Variants in XYLT1 observed in about 807,000 individuals in gnomAD.
XYLT1 encodes xylosyltransferase 1.
A neutral mutation model predicts 91.3 loss-of-function variants in XYLT1; 36 were observed. The observed-to-expected ratio is 0.39, with a 90% confidence interval of 0.30 to 0.52. The LOEUF (loss-of-function observed/expected upper bound fraction) is 0.52, where lower values mean the gene tolerates loss of function less well. Ranked by LOEUF, XYLT1 falls within the 20% of genes least tolerant of loss-of-function variation. The probability of loss-of-function intolerance (pLI) is 0.68; values close to 1 mark genes in which losing one functional copy is unlikely to be tolerated. For missense variants in XYLT1, 1,242 were observed against 1,284.5 expected (o/e 0.97, Z 0.51); for synonymous variants, 588 against 532.0 (o/e 1.11, Z -1.45).
At position 17,150,403 on chromosome 16, in the gene XYLT1, G is replaced by A. The variant is rs147371973; in HGVS notation, c.1370+8426C>T. Among the ~76,000 whole-genome samples the A allele has an allele frequency of 1.2e-3, 181 of 152,276 alleles. 5 individuals carry two copies. In the East Asian group the frequency reaches 0.03, roughly 25 times the overall value. On this transcript the variant is annotated intron_variant, in intron 6 of 11. Transcript: ENST00000261381. ...TATTCCAGGCTCTGCTCTATGCACT[G>A]AGAAAATGGTTTTAAATAAAATGGA...
At chr16:17,212,448 C>T (rs1260908403) in intron 3 of XYLT1, among the ~76,000 whole-genome samples, 1 of 152,074 alleles carries the variant, frequency 6.6e-6, no homozygotes, top group Non-Finnish European at 1.5e-5. Flanking sequence ...ATTTTGGACA[C>T]CTTTTCTTTT....
At chr16:17,253,448 A>AGCAT in intron 3 of XYLT1, among the ~76,000 whole-genome samples, 1 of 152,152 alleles carries the variant, frequency 6.6e-6, no homozygotes, top group East Asian at 1.9e-4. Context: ...AGATAACCTC[A>AGCAT]GCATGACCAG....
intron 1 of XYLT1, among the ~76,000 whole-genome samples, chr16:17,428,043 T>C (rs1282828652): frequency 6.6e-6 from 1 of 152,150 alleles, no homozygotes; most frequent in East Asian, 1.9e-4. Context: ...CAGGCTGAAG[T>C]GCAGTGGTGT....
Position 17,213,770 on chromosome 16 carries a change from C to G in XYLT1, c.914-13116G>C, listed in dbSNP as rs147569202. On this transcript the variant is annotated intron_variant, in intron 3 of 11. Transcript: ENST00000261381. ...AGTACCTGGGATTACAGGTGCCCAC[C>G]CCCATGCCCGGCTAATTTTTTGTAT... 3.5e-3 allele frequency among the ~76,000 whole-genome samples: 538 copies of G among 152,140 alleles called. 3 individuals are homozygous for G. Among genetic ancestry groups the G allele is most frequent in the African/African-American group, 0.012 (516 of 41,492 alleles).
intron 2 of XYLT1, among the ~76,000 whole-genome samples, chr16:17,294,449 G>A (rs1023842019): frequency 5.3e-5 from 8 of 152,122 alleles, no homozygotes; most frequent in South Asian, 2.1e-4. Context: ...TCGTCTTTCC[G>A]CCACTCTCAT....
intron 1 of XYLT1, among the ~76,000 whole-genome samples, chr16:17,444,512 CTT>C (rs56872670): frequency 4.2e-5 from 6 of 143,660 alleles, no homozygotes; most frequent in Non-Finnish European, 1.5e-5. Context: ...ACTTCTTCTT[CTT>C]TTTTTTTTTT....
chr16:17,313,509 G>A (rs537751544), intron 2 of XYLT1, among the ~76,000 whole-genome samples: 1 of 152,328 alleles, frequency 6.6e-6, no homozygotes, highest in East Asian at 1.9e-4. Context: ...ATGTGGAGAT[G>A]ATCTATGCAT....
chr16:17,113,096 C>T (rs1966845545), intron 11 of XYLT1, among the ~76,000 whole-genome samples: 1 of 151,980 alleles, frequency 6.6e-6, no homozygotes, highest in South Asian at 2.1e-4. Context: ...ACCTCAGCCT[C>T]CCAAAGTGCT....
intron 1 of XYLT1, among the ~76,000 whole-genome samples, chr16:17,469,042 G>A (rs2036940599): frequency 6.6e-6 from 1 of 152,146 alleles, no homozygotes; most frequent in Non-Finnish European, 1.5e-5. Flanking sequence ...TATTCTCCCC[G>A]CAAATGAGGG....
At chr16:17,205,161 T>C (rs1252655084) in intron 3 of XYLT1, among the ~76,000 whole-genome samples, 1 of 152,178 alleles carries the variant, frequency 6.6e-6, no homozygotes, top group Non-Finnish European at 1.5e-5. Context: ...AGGCTGAGGA[T>C]GATGGGGGGT....
At chr16:17,132,859 G>A (rs1487877096) in intron 9 of XYLT1, among the ~76,000 whole-genome samples, 3 of 152,152 alleles carry the variant, frequency 2.0e-5, no homozygotes, top group African/African-American at 7.2e-5. Flanking sequence ...TCACATCACT[G>A]CACTCCAGCT....
At position 17,150,490 on chromosome 16, in the gene XYLT1, A is replaced by G. The variant is rs575789473; in HGVS notation, c.1370+8339T>C. ...AAAAGCGTAAATAATAACAGCTACC[A>G]TTTATTGAGCGTATACTACATTCTA... On this transcript the variant is annotated intron_variant, in intron 6 of 11. Coordinates refer to ENST00000261381, the MANE Select transcript of XYLT1 (RefSeq NM_022166.4). 7.9e-5 allele frequency among the ~76,000 whole-genome samples: 12 copies of G among 152,340 alleles called. No individual in the cohort carries two copies. In the South Asian group the frequency reaches 2.3e-3, roughly 29 times the overall value.
At chr16:17,469,471 C>T (rs1054923349) in intron 1 of XYLT1, among the ~76,000 whole-genome samples, 2 of 152,206 alleles carry the variant, frequency 1.3e-5, no homozygotes, top group African/African-American at 4.8e-5. Flanking sequence ...GCTCCTGCTC[C>T]TAGCTCAGTA....
At chr16:17,448,655 A>G (rs1401654767) in intron 1 of XYLT1, among the ~76,000 whole-genome samples, 2 of 147,242 alleles carry the variant, frequency 1.4e-5, no homozygotes, top group Admixed American at 6.8e-5. Context: ...AACAGTAATA[A>G]TAATAATGGA....
chr16:17,147,941 C>A (rs931323033), intron 6 of XYLT1, among the ~76,000 whole-genome samples: 1 of 152,170 alleles, frequency 6.6e-6, no homozygotes, highest in Admixed American at 6.5e-5. Flanking sequence ...AAAAGGTGAC[C>A]AATGATACGC....
rs112018076 is a variant in XYLT1 at position 17,328,653 on chromosome 16, T to C, written c.402+29359A>G. 5.5e-4 allele frequency among the ~76,000 whole-genome samples: 84 copies of C among 152,240 alleles called. 1 individual carries two copies. Among genetic ancestry groups the C allele is most frequent in the African/African-American group, 1.9e-3 (81 of 41,542 alleles). The stretch of plus-strand genomic sequence containing the variant: ...TATCAAAAAAGAGGCAGATTTTTAT[T>C]TTTTAAAGGGACTCCAGGGTCACTG... On this transcript the variant is annotated intron_variant, in intron 2 of 11. Transcript: ENST00000261381.
chr16:17,373,515 C>A (rs184675649), intron 1 of XYLT1, among the ~76,000 whole-genome samples: 1 of 152,356 alleles, frequency 6.6e-6, no homozygotes, highest in African/African-American at 2.4e-5. Context: ...TCTCCAGCCA[C>A]ACACTTTTAA....
At chr16:17,263,363 C>T (rs1458991709) in intron 2 of XYLT1, among the ~76,000 whole-genome samples, 1 of 151,952 alleles carries the variant, frequency 6.6e-6, no homozygotes, top group African/African-American at 2.4e-5. Flanking sequence ...GAAGAGGCAC[C>T]ACCATTGATT....
intron 5 of XYLT1, chr16:17,193,327 T>C (rs1293997938): frequency 6.6e-6 from 1 of 152,154 alleles, no homozygotes; most frequent in African/African-American, 2.4e-5. Context: ...CCCTCCGAAA[T>C]AGGCACTAAT....
Sources: allele counts gnomAD v4.1 joint callset (sites outside exome capture counted in the v4.1 genomes callset), GRCh38; gene constraint gnomAD v4.1.1; transcripts MANE v1.5; gene names NCBI Gene and HGNC (gene_info 2026-07-23, HGNC 2026-07-21).